Variants in GOLGA6B observed in about 807,000 individuals in gnomAD.
GOLGA6B encodes the protein golgin subfamily A member 6B.
GOLGA6B carries 11 observed loss-of-function variants against 63.0 expected under a neutral mutation model. The ratio of observed to expected loss-of-function variants is 0.17; its 90% CI spans 0.11 to 0.29. GOLGA6B has a LOEUF of 0.29. Among genes scored for constraint, GOLGA6B ranks in the 10% least tolerant of loss-of-function variants. The probability of loss-of-function intolerance (pLI) is 1.00; values close to 1 mark genes in which losing one functional copy is unlikely to be tolerated. For synonymous variants in GOLGA6B, 46 were observed against 232.6 expected, an observed-to-expected ratio of 0.20 and a Z score of 7.30; for missense variants, 134 against 563.8, an observed-to-expected ratio of 0.24 and a Z score of 7.72.
intron 2 of GOLGA6B, among the ~76,000 whole-genome samples, chr15:72,657,722 A>C (rs1352304266): frequency 3.0e-5 from 1 of 33,004 alleles, no homozygotes. Context: ...CTTGCTGTCT[A>C]CAGCTGTGCA....
chr15:72,664,002 C>A (rs1342808047), intron 12 of GOLGA6B, among the ~76,000 whole-genome samples: 1 of 129,868 alleles, frequency 7.7e-6, no homozygotes, highest in African/African-American at 2.7e-5. Flanking sequence ...CCTCTTAGGC[C>A]TGGAGCAAGG....
chr15:72,662,351 G>C lies in GOLGA6B; in HGVS notation c.947G>C (p.Gly316Ala), dbSNP rs2064603795. 1 of 1,390,260 alleles carries C rather than the reference G, an allele frequency of 7.2e-7. No homozygotes were observed. The highest frequency in any genetic ancestry group is 9.8e-7 in the Non-Finnish European group (1 of 1,025,104). The allele number at this position is 1,390,260 out of a possible 1,614,324, so 86.1% of individuals were successfully genotyped here. Reference sequence around the variant, plus strand: ...AGGCAGGAGGTGGAAGGTCTGGAGGGAAAGCTCCAATCCCAGGTGGAAAAC... The same window carrying C: ...AGGCAGGAGGTGGAAGGTCTGGAGGCAAAGCTCCAATCCCAGGTGGAAAAC... ...HLRQEVEGLE[G>A]KLQSQVENNQ... Residue 316 changes from glycine (G) to alanine (A), a missense_variant, in exon 11 of 18, where the codon GGA becomes GCA. By Grantham distance (60) the Gly-to-Ala change is moderately conservative. Transcript: ENST00000421285.
chr15:72,665,223 T>G (rs1292077917), intron 14 of GOLGA6B, among the ~76,000 whole-genome samples, 188 bp downstream of exon 14: 312 of 118,010 alleles, frequency 2.6e-3, no homozygotes, highest in African/African-American at 7.8e-3. Flanking sequence ...AAGGGGTTGT[T>G]CTCCACCTCC....
At chr15:72,664,370 A>G (rs1450776063) in intron 12 of GOLGA6B, 66 bp from the exon 13 acceptor site, 8 of 1,296,774 alleles carry the variant, frequency 6.2e-6, no homozygotes, top group African/African-American at 1.5e-5. Flanking sequence ...GTTGCTGAGG[A>G]CGGGGCCCCG....
chr15:72,664,533 A>G, intron 13 of GOLGA6B, 22 bp downstream of exon 13: 1 of 1,320,788 alleles, frequency 7.6e-7, no homozygotes, highest in Non-Finnish European at 1.0e-6. Context: ...CACTCAGAGG[A>G]AGAGGAGAGA....
At chr15:72,657,390 G>A (rs2064581447) in intron 2 of GOLGA6B, among the ~76,000 whole-genome samples, 1 of 151,146 alleles carries the variant, frequency 6.6e-6, no homozygotes, top group African/African-American at 2.4e-5. Context: ...TCACTCGGGG[G>A]ACTTTTCCAT....
chr15:72,664,306 C>G, intron 12 of GOLGA6B, 130 bp from the exon 13 acceptor site: 1 of 1,163,496 alleles, frequency 8.6e-7, no homozygotes, highest in Non-Finnish European at 1.2e-6. Context: ...AAGCTTGGGG[C>G]AAAGCGGTGG....
intron 12 of GOLGA6B, among the ~76,000 whole-genome samples, chr15:72,664,046 G>A (rs1192379392): frequency 2.3e-5 from 3 of 129,474 alleles, no homozygotes; most frequent in African/African-American, 8.0e-5. Context: ...AGAGCCCCAC[G>A]GTGCCCTCGC....
rs1225804795 is a variant in GOLGA6B, at chr15:72,665,029, GGCCACGGTGAGCCTGACTTTCCCT to G, written c.1591_1593+21del. ...TCCCAGAGGACCTGGAGAGCCGGGA[GGCCACGGTGAGCCTGACTTTCCCT>G]GCCCCGCTTTGCCACCTTCCTCTGT... On this transcript the variant is annotated splice_donor_variant and splice_donor_5th_base_variant and coding_sequence_variant and intron_variant, in exon 14 of 18. Transcript: ENST00000421285. LOFTEE classifies it high-confidence loss of function. 1.3e-6 allele frequency: 1 copy of G among 766,082 alleles called. No individual in the cohort carries two copies. The highest frequency in any genetic ancestry group is 1.8e-5 in the African/African-American group (1 of 55,146). 47.5% of individuals were successfully genotyped at this position (766,082 alleles called of 1,614,324 possible). A position where few individuals can be genotyped will look rare whatever the true frequency, so the allele number is the denominator to read the frequency against.
rs2064649402 is a variant in GOLGA6B at position 72,668,797 on chromosome 15, ATGTC to A, written c.*2456_*2459del. ...TCACACACCGGCATATTTAAGCTGAATGTCAGTCTGGAAAATGAATGTACTATAT... is the reference window on the plus strand; with the variant it reads ...TCACACACCGGCATATTTAAGCTGAAAGTCTGGAAAATGAATGTACTATAT... On this transcript the variant is annotated 3_prime_UTR_variant, in exon 18 of 18. Transcript: ENST00000421285. 1.2e-5 allele frequency among the ~76,000 whole-genome samples: 1 copy of A among 80,064 alleles called. No individual in the cohort carries two copies. Among genetic ancestry groups the A allele is most frequent in the Admixed American group, 1.6e-4 (1 of 6,166 alleles). The allele number at this position is 80,064 out of a possible 152,430, so 52.5% of individuals were successfully genotyped here. A position where few individuals can be genotyped will look rare whatever the true frequency, so the allele number is the denominator to read the frequency against.
At position 72,667,640 on chromosome 15, in the gene GOLGA6B, TCTTTGAATGGAAAACA is replaced by T. The variant is rs2064645977; in HGVS notation, c.*1303_*1318del. Among the ~76,000 whole-genome samples, 1 of 152,144 alleles carries T rather than the reference TCTTTGAATGGAAAACA, an allele frequency of 6.6e-6. No individual in the cohort carries two copies. Among genetic ancestry groups the T allele is most frequent in the South Asian group, 2.1e-4 (1 of 4,836 alleles). On this transcript the variant is annotated 3_prime_UTR_variant, in exon 18 of 18. Coordinates refer to ENST00000421285, the MANE Select transcript of GOLGA6B (RefSeq NM_018652.5). ...CTCTGACGTAGGAATTTACTTCTTTTCTTTGAATGGAAAACACTTTAAAAATAATAACAACCATTAT... is the reference window on the plus strand; with the variant it reads ...CTCTGACGTAGGAATTTACTTCTTTTCTTTAAAAATAATAACAACCATTAT...
Position 72,662,457 on chromosome 15 carries a change from G to C in GOLGA6B, c.1053G>C (p.Val351=). The C allele has an allele frequency of 7.2e-7, 1 of 1,393,872 alleles. No individual in the cohort carries two copies. Among genetic ancestry groups the C allele is most frequent in the South Asian group, 1.4e-5 (1 of 72,770 alleles). 86.3% of individuals were successfully genotyped at this position (1,393,872 alleles called of 1,614,324 possible). The stretch of plus-strand genomic sequence containing the variant: ...AGGAGATGCTCCGAGAGCAGGAGGT[G>C]CAGAGAGTGCGGGAGCAGGAGAGAC... ...EQEEMLREQE[V]QRVREQERLC... The change falls in exon 11 of 18, where the codon GTG becomes GTC. Residue 351 remains valine, a synonymous_variant. Coordinates refer to ENST00000421285, the MANE Select transcript of GOLGA6B (RefSeq NM_018652.5).
At chr15:72,660,579 G>A (rs1184555672) in intron 7 of GOLGA6B, among the ~76,000 whole-genome samples, 1 of 96,048 alleles carries the variant, frequency 1.0e-5, no homozygotes, top group Non-Finnish European at 2.2e-5. Flanking sequence ...GTAGAGAGAG[G>A]AAAGGGGTGT....
chr15:72,666,285 TG>T lies in GOLGA6B; in HGVS notation c.2026del (p.Asp676ThrfsTer42). On this transcript the variant is annotated frameshift_variant, in exon 18 of 18. Transcript: ENST00000421285. LOFTEE classifies it high-confidence loss of function. ...PGAAREGSPH[D>X]NPTVQQIVQL... ...GAGCGGCCAGGGAGGGTTCTCCCCA[TG>T]ACAACCCCACTGTACAGCAGATCGT... 1 of 1,587,946 alleles carries T rather than the reference TG, an allele frequency of 6.3e-7. No homozygotes were observed. Among genetic ancestry groups the T allele is most frequent in the Non-Finnish European group, 8.6e-7 (1 of 1,167,284 alleles).
rs1308459922 is a variant in GOLGA6B at position 72,669,278 on chromosome 15, T to A, written c.*2936T>A. Among the ~76,000 whole-genome samples, 1 of 152,272 alleles carries A rather than the reference T, an allele frequency of 6.6e-6. No homozygotes were observed. Among genetic ancestry groups the A allele is most frequent in the Non-Finnish European group, 1.5e-5 (1 of 68,050 alleles). On this transcript the variant is annotated 3_prime_UTR_variant, in exon 18 of 18. Transcript: ENST00000421285. ...ATAATATAGTTTCTCTAAAACTTTA[T>A]CTTAAAGAGTCATTTTAAAAGAATA...
In GOLGA6B at chr15:72,669,304, T is replaced by C. The variant is rs2064651863; in HGVS notation, c.*2962T>C. 6.6e-6 allele frequency among the ~76,000 whole-genome samples: 1 copy of C among 152,208 alleles called. No individual in the cohort carries two copies. Among genetic ancestry groups the C allele is most frequent in the Non-Finnish European group, 1.5e-5 (1 of 68,034 alleles). ...CTTAAAGAGTCATTTTAAAAGAATA[T>C]AACTATTCATAAGTGTAACTGCTAT... On this transcript the variant is annotated 3_prime_UTR_variant, in exon 18 of 18. Coordinates refer to ENST00000421285, the MANE Select transcript of GOLGA6B (RefSeq NM_018652.5).
At chr15:72,659,321 AC>A (rs1467846995) in intron 3 of GOLGA6B, among the ~76,000 whole-genome samples, 172 bp from the exon 4 acceptor site, 1 of 71,710 alleles carries the variant, frequency 1.4e-5, no homozygotes, top group East Asian at 4.8e-4. Flanking sequence ...ACCAACAAAG[AC>A]CCAAGTCCTC....
At position 72,667,687 on chromosome 15, in the gene GOLGA6B, A is replaced by C. The variant is rs1291510377; in HGVS notation, c.*1345A>C. On this transcript the variant is annotated 3_prime_UTR_variant, in exon 18 of 18. Coordinates refer to ENST00000421285, the MANE Select transcript of GOLGA6B (RefSeq NM_018652.5). ...AAAATAATAACAACCATTATTATAAACCAATATATGTGAGAGTACTTAGTT... is the reference window on the plus strand; with the variant it reads ...AAAATAATAACAACCATTATTATAACCCAATATATGTGAGAGTACTTAGTT... Among the ~76,000 whole-genome samples the C allele has an allele frequency of 2.6e-5, 4 of 151,648 alleles. No individual in the cohort carries two copies. The highest frequency in any genetic ancestry group is 3.4e-3 in the Middle Eastern group (1 of 292).
At chr15:72,660,856 C>T (rs1256125491) in intron 7 of GOLGA6B, among the ~76,000 whole-genome samples, 1 of 106,866 alleles carries the variant, frequency 9.4e-6, no homozygotes, top group Admixed American at 9.9e-5. Context: ...AATCCCAGCT[C>T]TGTCTAAGTG....
Sources: allele counts gnomAD v4.1 joint callset (sites outside exome capture counted in the v4.1 genomes callset), GRCh38; gene constraint gnomAD v4.1.1; transcripts MANE v1.5; gene names NCBI Gene and HGNC (gene_info 2026-07-23, HGNC 2026-07-21).